PIGQ: variants seen among roughly 807,000 people sequenced by gnomAD.
PIGQ encodes phosphatidylinositol glycan anchor biosynthesis class Q, also known as phosphatidylinositol N-acetylglucosaminyltransferase subunit Q.
Under a neutral mutation model 60.3 loss-of-function variants are expected in PIGQ, and 54 were observed. That is an observed-to-expected ratio of 0.90 (90% CI 0.72 to 1.12). The LOEUF is 1.12. Among genes scored for constraint, PIGQ ranks in the 50% most tolerant of loss-of-function variants. PIGQ has a pLI of 0.00. For missense variants in PIGQ, 799 were observed against 793.5 expected (o/e 1.01, Z -0.08); for synonymous variants, 416 against 363.7 (o/e 1.14, Z -1.64).
At position 572,765 on chromosome 16, in the gene PIGQ, C is replaced by T. The variant is rs555698244; in HGVS notation, c.-9-1301C>T. Among the ~76,000 whole-genome samples, 79 of 149,280 alleles carry T rather than the reference C, an allele frequency of 5.3e-4. 2 individuals are homozygous for T. The South Asian group carries it at 0.015, about 28-fold the overall frequency. The stretch of plus-strand genomic sequence containing the variant: ...TGGGCACTGGGACCTCCAGGCGTCC[C>T]GCTCTGTTCCCTCGTCCCTAAGGAT... On this transcript the variant is annotated intron_variant, in intron 1 of 10. Transcript: ENST00000321878.
rs1271797280 is a variant in PIGQ, at chr16:580,916, A to ACTCCCTGCCGCTGTACTCACTGGGT, written c.1478_1502dup (p.Arg502ProfsTer289). On this transcript the variant is annotated frameshift_variant, in exon 9 of 11. Transcript: ENST00000321878. LOFTEE classifies it high-confidence loss of function. ...ATCCATCTGCTCGTGGACCTCATCAACTCCCTGCCGCTGTACTCACTGGGT... is the reference window on the plus strand; with the variant it reads ...ATCCATCTGCTCGTGGACCTCATCAACTCCCTGCCGCTGTACTCACTGGGTCTCCCTGCCGCTGTACTCACTGGGT... The ACTCCCTGCCGCTGTACTCACTGGGT allele has an allele frequency of 6.2e-7, 1 of 1,609,264 alleles. No individual in the cohort carries two copies. The highest frequency in any genetic ancestry group is 1.3e-5 in the African/African-American group (1 of 74,752).
intron 4 of PIGQ, among the ~76,000 whole-genome samples, chr16:577,484 A>G (rs556051640): frequency 1.4e-4 from 22 of 151,852 alleles, no homozygotes; most frequent in South Asian, 1.3e-3. Context: ...GGCTGAGGCA[A>G]GAGAATGGCG....
At position 574,092 on chromosome 16, in the gene PIGQ, C is replaced by T; in HGVS notation, c.18C>T (p.Phe6=). The T allele has an allele frequency of 1.9e-6, 3 of 1,605,620 alleles. No homozygotes were observed. The highest frequency in any genetic ancestry group is 1.1e-5 in the South Asian group (1 of 90,794). Residue 6 remains phenylalanine, a synonymous_variant, in exon 2 of 11, where the codon TTC becomes TTT. Coordinates refer to ENST00000321878, the MANE Select transcript of PIGQ (RefSeq NM_004204.5). ...CTCCCGGCATGGTGCTCAAGGCCTT[C>T]TTCCCCACGTGCTGCGTCTCGACGG... MVLKA[F]FPTCCVSTDS...
chr16:577,462 A>G (rs1005383121), intron 4 of PIGQ, among the ~76,000 whole-genome samples: 5 of 151,886 alleles, frequency 3.3e-5, no homozygotes, highest in African/African-American at 9.7e-5. Context: ...CTGTAGTCCC[A>G]GCTAATTGGG....
At chr16:572,617 C>T (rs1290642046) in intron 1 of PIGQ, 2 of 452,906 alleles carry the variant, frequency 4.4e-6, no homozygotes, top group Admixed American at 2.4e-5. Context: ...TTCCCTCATC[C>T]CTAAGGGCGT....
At chr16:573,817 C>G (rs1023436806) in intron 1 of PIGQ, among the ~76,000 whole-genome samples, 9 of 152,222 alleles carry the variant, frequency 5.9e-5, no homozygotes, top group Middle Eastern at 3.4e-3. Flanking sequence ...CGTCCTGCCT[C>G]GTGCGGGTGG....
chr16:580,798 G>A (rs753856323), intron 8 of PIGQ, 60 bp from the exon 9 acceptor site: 11 of 808,282 alleles, frequency 1.4e-5, no homozygotes, highest in Admixed American at 3.4e-5. Context: ...GGATGGGGTC[G>A]GACTGCTCTG....
rs770240186 is a variant in PIGQ at position 580,268 on chromosome 16, G to A, written c.1416+5G>A. On this transcript the variant is annotated splice_donor_5th_base_variant and intron_variant, in intron 8 of 10. Coordinates refer to ENST00000321878, the MANE Select transcript of PIGQ (RefSeq NM_004204.5). The stretch of plus-strand genomic sequence containing the variant: ...TACTACCTGGTGTTCACCCTGGTGA[G>A]CTGAGCACCCACAGGCTGGGCCTGG... 6 of 1,601,286 alleles carry A rather than the reference G, an allele frequency of 3.7e-6. No individual in the cohort carries two copies. Among genetic ancestry groups the A allele is most frequent in the Non-Finnish European group, 4.3e-6 (5 of 1,170,758 alleles).
chr16:581,288 G>A (rs1224716713), intron 9 of PIGQ: 11 of 1,322,788 alleles, frequency 8.3e-6, no homozygotes, highest in Admixed American at 5.2e-5. Context: ...CAGGCCAGGG[G>A]CCAAGCGCGG....
Position 581,376 on chromosome 16 carries a change from T to G in PIGQ, c.1531+404T>G, listed in dbSNP as rs1385512192. 3.4e-6 allele frequency: 4 copies of G among 1,177,006 alleles called. No homozygotes were observed. The South Asian group carries it at 6.9e-5, about 20-fold the overall frequency. The allele number at this position is 1,177,006 out of a possible 1,614,324, so 72.9% of individuals were successfully genotyped here. A position where few individuals can be genotyped will look rare whatever the true frequency, so the allele number is the denominator to read the frequency against. ...CCGTCCGCTGTGCCGGAAAACCCCG[T>G]CCACTCAACAGCACAGCCTGCGCCC... On this transcript the variant is annotated intron_variant, in intron 9 of 10. Coordinates refer to ENST00000321878, the MANE Select transcript of PIGQ (RefSeq NM_004204.5).
chr16:579,026 C>T lies in PIGQ; in HGVS notation c.1224-43C>T, dbSNP rs746192094. The stretch of plus-strand genomic sequence containing the variant: ...GCGTTCGAGTGGGGCGGGGGCGGGG[C>T]GGGGCGGGGCGGGGCCGGGCCCGAC... On this transcript the variant is annotated intron_variant, in intron 6 of 10. Coordinates refer to ENST00000321878, the MANE Select transcript of PIGQ (RefSeq NM_004204.5). 130 of 224,252 alleles carry T rather than the reference C, an allele frequency of 5.8e-4. 1 individual carries two copies. Among genetic ancestry groups the T allele is most frequent in the Non-Finnish European group, 7.8e-4 (114 of 145,536 alleles). 13.9% of individuals were successfully genotyped at this position (224,252 alleles called of 1,614,324 possible). A position where few individuals can be genotyped will look rare whatever the true frequency, so the allele number is the denominator to read the frequency against.
At position 579,189 on chromosome 16, in the gene PIGQ, C is replaced by T; in HGVS notation, c.1335+9C>T. ...CCTATGACCTGGACCAGGTATGGGG[C>T]AGGGTTCGTGGCTGGAGGGGCTGAC... is the stretch of plus-strand genomic sequence containing the variant. On this transcript the variant is annotated intron_variant, in intron 7 of 10. Coordinates refer to ENST00000321878, the MANE Select transcript of PIGQ (RefSeq NM_004204.5). 2 of 1,607,264 alleles carry T rather than the reference C, an allele frequency of 1.2e-6. No homozygotes were observed. Among genetic ancestry groups the T allele is most frequent in the South Asian group, 2.2e-5 (2 of 90,938 alleles).
intron 1 of PIGQ, among the ~76,000 whole-genome samples, chr16:572,833 C>T (rs190689329): frequency 7.2e-5 from 11 of 152,352 alleles, no homozygotes; most frequent in Admixed American, 3.3e-4. Flanking sequence ...TCTGTTCCCT[C>T]GTCCCTAAGG....
At chr16:579,300 G>C (rs901923132) in intron 7 of PIGQ, 120 bp downstream of exon 7, 31 of 729,694 alleles carry the variant, frequency 4.2e-5, no homozygotes, top group Admixed American at 1.1e-4. Flanking sequence ...CTGAGGCCGC[G>C]CACAGGCCCT....
chr16:577,623 C>G (rs932832818), intron 4 of PIGQ, among the ~76,000 whole-genome samples: 13 of 152,000 alleles, frequency 8.6e-5, no homozygotes, highest in African/African-American at 2.9e-4. Context: ...CTTGCCAGTC[C>G]TGCTGTGGCT....
chr16:577,395 G>A (rs891150249), intron 4 of PIGQ, among the ~76,000 whole-genome samples: 4 of 151,798 alleles, frequency 2.6e-5, no homozygotes, highest in South Asian at 2.1e-4. Context: ...GGCTAACACA[G>A]TGAAATCCCG....
intron 1 of PIGQ, among the ~76,000 whole-genome samples, chr16:571,062 T>TCTGCCTA (rs1256398494): frequency 1.9e-3 from 35 of 18,514 alleles, no homozygotes; most frequent in East Asian, 8.4e-3. Context: ...TGTGTGTGTG[T>TCTGCCTA]GTGTGTGTGT....
At chr16:575,713 C>A in intron 2 of PIGQ, 126 bp from the exon 3 acceptor site, 1 of 1,044,906 alleles carries the variant, frequency 9.6e-7, no homozygotes, top group Non-Finnish European at 1.4e-6. Context: ...GAGGGCCCCT[C>A]CCACCTGCCC....
intron 1 of PIGQ, among the ~76,000 whole-genome samples, chr16:570,947 G>A (rs2035607690): frequency 6.6e-6 from 1 of 152,140 alleles, no homozygotes; most frequent in South Asian, 2.1e-4. Flanking sequence ...TTATATGGTC[G>A]ACCTCCCTAC....
Sources: gnomAD v4.1 joint callset for allele counts (sites outside exome capture counted in the v4.1 genomes callset) on GRCh38, gnomAD v4.1.1 for gene constraint, MANE v1.5 for transcripts, NCBI Gene and HGNC (gene_info 2026-07-23, HGNC 2026-07-21) for gene names.